Variants in MDGA2 observed in about 807,000 individuals in gnomAD.
MDGA2 encodes the protein MAM domain containing glycosylphosphatidylinositol anchor 2, also known as MAM domain-containing glycosylphosphatidylinositol anchor protein 2.
Under a neutral mutation model 117.8 loss-of-function variants are expected in MDGA2, and 40 were observed. That is an observed-to-expected ratio of 0.34 (90% CI 0.26 to 0.44). The LOEUF is 0.44. Among genes scored for constraint, MDGA2 ranks in the 20% least tolerant of loss-of-function variants. The pLI is 1.00. For synonymous variants in MDGA2, 452 were observed against 439.0 expected (o/e 1.03, Z -0.37); for missense variants, 1,123 against 1,250.6 (o/e 0.90, Z 1.54).
At chr14:47,595,091 T>C (rs1896510840) in intron 1 of MDGA2, among the ~76,000 whole-genome samples, 1 of 152,144 alleles carries the variant, frequency 6.6e-6, no homozygotes, top group Admixed American at 6.5e-5. Flanking sequence ...ACAAAGCCTG[T>C]AACAAGTTAC....
chr14:47,673,632 ATGTGTGTGTGTGTGTG>A (rs10528657), intron 1 of MDGA2, among the ~76,000 whole-genome samples: 15 of 144,076 alleles, frequency 1.0e-4, no homozygotes, highest in Middle Eastern at 3.5e-3. Context: ...TATGACCTGG[ATGTGTGTGTGTGTGTG>A]TGTGTGTGTG....
chr14:47,445,655 C>T lies in MDGA2; in HGVS notation c.281-144105G>A, dbSNP rs528748560. Among the ~76,000 whole-genome samples the T allele has an allele frequency of 5.3e-5, 8 of 152,172 alleles. No individual in the cohort carries two copies. In the South Asian group the frequency reaches 1.0e-3, roughly 20 times the overall value. Reference sequence around the variant, plus strand: ...TAATTTCTTAATTTGTATTCTTACCCACTCTTACTCATAAGACAAAATAAA... The same window carrying T: ...TAATTTCTTAATTTGTATTCTTACCTACTCTTACTCATAAGACAAAATAAA... On this transcript the variant is annotated intron_variant, in intron 1 of 16. Coordinates refer to ENST00000399232, the MANE Select transcript of MDGA2 (RefSeq NM_001113498.3).
chr14:47,420,124 T>C (rs1377300512), intron 1 of MDGA2, among the ~76,000 whole-genome samples: 1 of 152,144 alleles, frequency 6.6e-6, no homozygotes, highest in Non-Finnish European at 1.5e-5. Context: ...TATACACACA[T>C]ACAATGCATA....
intron 7 of MDGA2, among the ~76,000 whole-genome samples, chr14:47,053,965 C>A (rs1159272364): frequency 6.6e-6 from 1 of 151,864 alleles, no homozygotes; most frequent in Non-Finnish European, 1.5e-5. Flanking sequence ...GGTCATAAAG[C>A]TACTAGGAGG....
chr14:47,150,795 A>T (rs1354787114), intron 3 of MDGA2, among the ~76,000 whole-genome samples: 2 of 151,936 alleles, frequency 1.3e-5, no homozygotes, highest in African/African-American at 4.8e-5. Flanking sequence ...ATGGTGGTGC[A>T]TGCCTGTAAT....
chr14:47,626,976 G>T (rs1235889354), intron 1 of MDGA2, among the ~76,000 whole-genome samples: 1 of 152,258 alleles, frequency 6.6e-6, no homozygotes, highest in Non-Finnish European at 1.5e-5. Context: ...CCTGAGTTTG[G>T]TGGGGACTTG....
chr14:46,923,732 G>A (rs1884221087), intron 9 of MDGA2, among the ~76,000 whole-genome samples: 1 of 151,864 alleles, frequency 6.6e-6, no homozygotes, highest in Admixed American at 6.6e-5. Context: ...TAAATTTTTT[G>A]AAATGAGACA....
intron 1 of MDGA2, among the ~76,000 whole-genome samples, chr14:47,409,047 C>T (rs1466339475): frequency 6.6e-6 from 1 of 152,042 alleles, no homozygotes; most frequent in Non-Finnish European, 1.5e-5. Flanking sequence ...TGGTGGAAGA[C>T]GGCATGTGGC....
intron 6 of MDGA2, among the ~76,000 whole-genome samples, chr14:47,088,063 A>C (rs1890973072): frequency 6.6e-6 from 1 of 151,974 alleles, no homozygotes; most frequent in African/African-American, 2.4e-5. Context: ...TCATTACATA[A>C]AATTAGGAGA....
chr14:47,526,587 G>A (rs192399590), intron 1 of MDGA2, among the ~76,000 whole-genome samples: 19 of 152,178 alleles, frequency 1.2e-4, no homozygotes, highest in Admixed American at 9.2e-4. Context: ...TTGGTCTCCC[G>A]GGAACAGGTT....
chr14:46,963,425 C>T (rs575270776), intron 8 of MDGA2, among the ~76,000 whole-genome samples: 2 of 152,340 alleles, frequency 1.3e-5, no homozygotes, highest in Non-Finnish European at 2.9e-5. Context: ...TGGACTCACC[C>T]TTGTTTGCTA....
chr14:47,248,255 G>A (rs1887317375), intron 2 of MDGA2, among the ~76,000 whole-genome samples: 1 of 151,326 alleles, frequency 6.6e-6, no homozygotes, highest in Non-Finnish European at 1.5e-5. Context: ...AGGAGTAGGA[G>A]AGTAAAAAGG....
chr14:47,538,770 T>A (rs1895276452), intron 1 of MDGA2, among the ~76,000 whole-genome samples: 1 of 150,980 alleles, frequency 6.6e-6, no homozygotes, highest in Admixed American at 6.6e-5. Context: ...TACTCTACCC[T>A]ATGTGATTAG....
At chr14:46,929,867 C>G (rs973143164) in intron 9 of MDGA2, among the ~76,000 whole-genome samples, 4 of 150,150 alleles carry the variant, frequency 2.7e-5, no homozygotes, top group Admixed American at 1.3e-4. Context: ...GAACTCCTGA[C>G]CTCAGGTGAT....
At chr14:47,393,391 T>A (rs1238786214) in intron 1 of MDGA2, among the ~76,000 whole-genome samples, 1 of 88,592 alleles carries the variant, frequency 1.1e-5, no homozygotes, top group Non-Finnish European at 2.2e-5. Flanking sequence ...TTTAAAGTTT[T>A]TAAATTGCAA....
At chr14:47,522,271 T>C (rs147357981) in intron 1 of MDGA2, among the ~76,000 whole-genome samples, 2,689 of 152,142 alleles carry the variant, frequency 0.018, 55 homozygotes, top group East Asian at 0.1. Flanking sequence ...AATGTTGTGT[T>C]TTAATTAAAT....
intron 12 of MDGA2, among the ~76,000 whole-genome samples, chr14:46,875,229 C>A (rs1552741): frequency 3.3e-5 from 5 of 151,390 alleles, no homozygotes; most frequent in African/African-American, 9.7e-5. Flanking sequence ...AGTCTCTCTC[C>A]GACCTACCCA....
At chr14:47,448,707 G>A (rs1010251928) in intron 1 of MDGA2, among the ~76,000 whole-genome samples, 2 of 152,120 alleles carry the variant, frequency 1.3e-5, no homozygotes, top group African/African-American at 4.8e-5. Context: ...GTCTTCCTGA[G>A]TTCCTTATGC....
intron 12 of MDGA2, among the ~76,000 whole-genome samples, 161 bp downstream of exon 12, chr14:46,877,328 T>G (rs1301916898): frequency 6.6e-6 from 1 of 151,696 alleles, no homozygotes; most frequent in Non-Finnish European, 1.5e-5. Flanking sequence ...TCCTATCCTT[T>G]GAAATTTAAA....
Sources: allele counts gnomAD v4.1 joint callset (sites outside exome capture counted in the v4.1 genomes callset), GRCh38; gene constraint gnomAD v4.1.1; transcripts MANE v1.5; gene names NCBI Gene and HGNC (gene_info 2026-07-23, HGNC 2026-07-21).